The following ZDHHC11B variants were observed in gnomAD, a reference collection of about 807,000 sequenced individuals.
ZDHHC11B encodes probable palmitoyltransferase ZDHHC11B.
In ZDHHC11B, 17 loss-of-function variants were observed where a neutral mutation model predicts 42.3. That is an observed-to-expected ratio of 0.40 (90% CI 0.27 to 0.60). The LOEUF is 0.60. Among genes scored for constraint, ZDHHC11B ranks in the 20% least tolerant of loss-of-function variants. ZDHHC11B has a pLI of 0.41. For synonymous variants in ZDHHC11B, 123 were observed against 193.5 expected (o/e 0.64, Z 3.02); for missense variants, 262 against 463.2 (o/e 0.57, Z 3.99).
chr5:713,634 ACTCT>A, intron 13 of ZDHHC11B, among the ~76,000 whole-genome samples: 1 of 151,916 alleles, frequency 6.6e-6, no homozygotes, highest in Non-Finnish European at 1.5e-5. Context: ...GTTCAGAATC[ACTCT>A]CTATTAAATT....
intron 4 of ZDHHC11B, among the ~76,000 whole-genome samples, chr5:760,596 G>A (rs1427813289): frequency 1.3e-5 from 2 of 151,852 alleles, no homozygotes; most frequent in African/African-American, 4.8e-5. Flanking sequence ...CGGCCACCTG[G>A]TGATGCTGAG....
chr5:757,008 C>T (rs1192821967), intron 4 of ZDHHC11B, among the ~76,000 whole-genome samples: 3 of 151,778 alleles, frequency 2.0e-5, no homozygotes, highest in African/African-American at 4.8e-5. Context: ...GTCCTTGTCC[C>T]CTGGAGCCAG....
rs775599413 is a variant in ZDHHC11B at position 748,413 on chromosome 5, T to C, written c.775A>G (p.Ile259Val). The C allele has an allele frequency of 1.3e-5, 17 of 1,355,490 alleles. 4 individuals are homozygous for C. Among genetic ancestry groups the C allele is most frequent in the Non-Finnish European group, 1.7e-5 (17 of 1,022,102 alleles). 84.0% of individuals were successfully genotyped at this position (1,355,490 alleles called of 1,614,324 possible). ...AGGGTGGGGGACATACTCAGGTAGA[T>C]GTGGAAGATGAGCAGCTGGCCCAGC... ...VQLGQLLIFH[I>V]YLKAKKMTTF... Residue 259 changes from isoleucine to valine, a missense_variant, in exon 8 of 14, where the codon ATC (isoleucine) becomes GTC (valine). By Grantham distance (29) the Ile-to-Val change is conservative. Transcript: ENST00000508859.
intron 12 of ZDHHC11B, among the ~76,000 whole-genome samples, chr5:717,281 T>C (rs1330924904): frequency 6.6e-6 from 1 of 151,624 alleles, no homozygotes; most frequent in Non-Finnish European, 1.5e-5. Context: ...GCCTTAAGTG[T>C]TTTTATACCC....
At chr5:719,550 A>G (rs1438203936) in intron 12 of ZDHHC11B, among the ~76,000 whole-genome samples, 1 of 151,194 alleles carries the variant, frequency 6.6e-6, no homozygotes, top group African/African-American at 2.4e-5. Context: ...TCATTAGAAG[A>G]GTTCAACAGA....
At chr5:760,080 A>G (rs376481452) in intron 4 of ZDHHC11B, among the ~76,000 whole-genome samples, 3 of 151,758 alleles carry the variant, frequency 2.0e-5, no homozygotes, top group African/African-American at 4.8e-5. Context: ...GGTACAGGGG[A>G]GCCACAGAGG....
intron 12 of ZDHHC11B, among the ~76,000 whole-genome samples, chr5:721,468 C>G (rs1354614428): frequency 4.0e-5 from 6 of 151,426 alleles, no homozygotes; most frequent in Admixed American, 3.3e-4. Context: ...GACAAAGATG[C>G]TGAGTTAAAG....
intron 7 of ZDHHC11B, among the ~76,000 whole-genome samples, chr5:748,943 C>T (rs1240522751): frequency 9.6e-6 from 1 of 104,090 alleles, no homozygotes; most frequent in Non-Finnish European, 2.1e-5. Flanking sequence ...CACTAAGTGC[C>T]GGGGTCACAG....
At position 767,355 on chromosome 5, in the gene ZDHHC11B, G is replaced by A. The variant is rs1259803872; in HGVS notation, c.-1+37C>T. 2.5e-6 allele frequency: 4 copies of A among 1,570,408 alleles called. No individual in the cohort carries two copies. The East Asian group carries it at 9.0e-5, about 35-fold the overall frequency. ...CCCACACCAGGGCGCAGCTGAAGCT[G>A]GACAGCAGCCAAGGGCTCCCCGGGG... On this transcript the variant is annotated intron_variant, in intron 3 of 13. Transcript: ENST00000508859.
chr5:738,871 GC>G (rs1169721275), intron 10 of ZDHHC11B, among the ~76,000 whole-genome samples: 26 of 150,834 alleles, frequency 1.7e-4, no homozygotes, highest in African/African-American at 6.4e-4. Flanking sequence ...ATTGACTTCA[GC>G]AAAGAGCTCA....
intron 1 of ZDHHC11B, among the ~76,000 whole-genome samples, chr5:772,716 CA>C: frequency 6.6e-6 from 1 of 151,824 alleles, no homozygotes; most frequent in Non-Finnish European, 1.5e-5. Flanking sequence ...GAACCCGTCC[CA>C]ACTCAGCCCC....
At chr5:764,532 G>T (rs1382243720) in intron 4 of ZDHHC11B, among the ~76,000 whole-genome samples, 2 of 151,910 alleles carry the variant, frequency 1.3e-5, no homozygotes, top group African/African-American at 2.4e-5. Context: ...GGTGCGCCAG[G>T]TCCCCCAGGA....
Position 710,853 on chromosome 5 carries a change from CTGTGAGCTCCCATTTCCCAGT to C in ZDHHC11B, c.*1416_*1436del, listed in dbSNP as rs1401717553. Reference sequence around the variant, plus strand: ...TACTGTGAGCTCCCATTTCCCAGTACTGTGAGCTCCCATTTCCCAGTACTGTGCTCCCAATTCCCAGTACTG... The same window carrying C: ...TACTGTGAGCTCCCATTTCCCAGTACACTGTGCTCCCAATTCCCAGTACTG... On this transcript the variant is annotated 3_prime_UTR_variant, in exon 14 of 14. Coordinates refer to ENST00000508859, the MANE Select transcript of ZDHHC11B (RefSeq NM_001351303.2). 1.6e-4 allele frequency: 24 copies of C among 148,474 alleles called. No homozygotes were observed. The highest frequency in any genetic ancestry group is 3.4e-4 in the Non-Finnish European group (23 of 67,442). The allele number at this position is 148,474 out of a possible 1,614,324, so 9.2% of individuals were successfully genotyped here. A position where few individuals can be genotyped will look rare whatever the true frequency, so the allele number is the denominator to read the frequency against.
intron 11 of ZDHHC11B, 52 bp downstream of exon 11, chr5:733,700 A>C (rs1743248772): frequency 6.5e-7 from 1 of 1,530,822 alleles, no homozygotes; most frequent in Non-Finnish European, 9.0e-7. Context: ...GAGACCACAT[A>C]TTCTGCACAC....
chr5:730,535 T>C, intron 11 of ZDHHC11B, 67 bp from the exon 12 acceptor site: 1 of 1,481,860 alleles, frequency 6.7e-7, no homozygotes, highest in Non-Finnish European at 9.0e-7. Context: ...AACTTATTCT[T>C]AAACAAAATT....
chr5:764,688 C>T (rs377655965), intron 4 of ZDHHC11B, among the ~76,000 whole-genome samples: 4 of 151,890 alleles, frequency 2.6e-5, no homozygotes, highest in Non-Finnish European at 4.4e-5. Flanking sequence ...CAGTGAGCAC[C>T]GTCCCCTGCT....
chr5:722,343 A>G (rs1269512648), intron 12 of ZDHHC11B, among the ~76,000 whole-genome samples: 1 of 151,688 alleles, frequency 6.6e-6, no homozygotes, highest in Non-Finnish European at 1.5e-5. Context: ...ATAAAAACTC[A>G]TATAAATCAA....
chr5:726,369 C>T lies in ZDHHC11B; in HGVS notation c.1058+4065G>A, dbSNP rs566095950. On this transcript the variant is annotated intron_variant, in intron 12 of 13. Coordinates refer to ENST00000508859, the MANE Select transcript of ZDHHC11B (RefSeq NM_001351303.2). ...GCTGGATCCAAACTGTTAGGTGACC[C>T]TGGAAGCATATTCTGTGACAAAAAA... Among the ~76,000 whole-genome samples, 15 of 149,844 alleles carry T rather than the reference C, an allele frequency of 1.0e-4. No individual in the cohort carries two copies. In the East Asian group the frequency reaches 2.2e-3, roughly 22 times the overall value.
intron 12 of ZDHHC11B, among the ~76,000 whole-genome samples, chr5:718,505 C>T (rs13170352): frequency 0.015 from 2,329 of 151,380 alleles, 46 homozygotes; most frequent in Non-Finnish European, 0.024. Context: ...AACTCTGTCT[C>T]TACTAAAAAT....
Sources: allele counts gnomAD v4.1 joint callset (sites outside exome capture counted in the v4.1 genomes callset), GRCh38; gene constraint gnomAD v4.1.1; transcripts MANE v1.5; gene names NCBI Gene and HGNC (gene_info 2026-07-23, HGNC 2026-07-21).